The following IL1RAPL1 variants were observed in gnomAD, a reference collection of about 807,000 sequenced individuals.
IL1RAPL1 encodes the protein interleukin-1 receptor accessory protein-like 1.
IL1RAPL1 carries 3 observed loss-of-function variants against 48.4 expected under a neutral mutation model. The ratio of observed to expected loss-of-function variants is 0.06; its 90% CI spans 0.03 to 0.16. The LOEUF (loss-of-function observed/expected upper bound fraction) is 0.16, where lower values mean the gene tolerates loss of function less well. Ranked by LOEUF, IL1RAPL1 falls within the 10% of genes least tolerant of loss-of-function variation. The pLI is 1.00. For missense variants in IL1RAPL1, 349 were observed against 530.6 expected, an observed-to-expected ratio of 0.66 and a Z score of 3.36; for synonymous variants, 185 against 187.7, an observed-to-expected ratio of 0.99 and a Z score of 0.12.
At chrX:29,917,847 G>A (rs1932810800) in intron 7 of IL1RAPL1, among the ~76,000 whole-genome samples, 1 of 108,856 alleles carries the variant, frequency 9.2e-6, no homozygotes, top group Non-Finnish European at 1.9e-5. Flanking sequence ...GTGCGGCTGG[G>A]GGTGGTGGCT....
At chrX:29,023,416 G>A (rs1316386509) in intron 2 of IL1RAPL1, among the ~76,000 whole-genome samples, 1 of 112,414 alleles carries the variant, frequency 8.9e-6, no homozygotes, top group African/African-American at 3.2e-5. Flanking sequence ...CAGTAGTTAA[G>A]CTGAGCCAGC....
intron 3 of IL1RAPL1, among the ~76,000 whole-genome samples, chrX:29,374,603 A>G (rs974879457): frequency 9.1e-6 from 1 of 109,604 alleles, no homozygotes; most frequent in African/African-American, 3.3e-5. Context: ...GATGCCGTAC[A>G]AAGATTGTAT....
chrX:29,782,092 GTCTGTCTGTCTA>G (rs1426279271), intron 6 of IL1RAPL1, among the ~76,000 whole-genome samples: 18 of 74,258 alleles, frequency 2.4e-4, no homozygotes, highest in African/African-American at 7.7e-4. Context: ...CTGTCTGTCT[GTCTGTCTGTCTA>G]TCTATCTATC....
chrX:29,850,643 C>T (rs1385482503), intron 6 of IL1RAPL1, among the ~76,000 whole-genome samples: 1 of 112,374 alleles, frequency 8.9e-6, no homozygotes, highest in Non-Finnish European at 1.9e-5. Context: ...CATTGCCTTC[C>T]AGAAGGAATT....
At chrX:29,310,932 G>A (rs1250789436) in intron 3 of IL1RAPL1, among the ~76,000 whole-genome samples, 1 of 111,512 alleles carries the variant, frequency 9.0e-6, no homozygotes, top group African/African-American at 3.3e-5. Flanking sequence ...TTGTTTCATT[G>A]TCTGAGAAAA....
At chrX:29,643,883 A>AT (rs147228529) in intron 5 of IL1RAPL1, among the ~76,000 whole-genome samples, 1 of 111,841 alleles carries the variant, frequency 8.9e-6, no homozygotes, top group African/African-American at 3.3e-5. Context: ...TATGGAACAC[A>AT]TTTTTTTGTG....
chrX:29,632,235 G>A (rs776734630), intron 5 of IL1RAPL1, among the ~76,000 whole-genome samples: 5 of 108,504 alleles, frequency 4.6e-5, no homozygotes, highest in Admixed American at 2.0e-4. Flanking sequence ...TGCAAGCTGC[G>A]CCTCCTGGGT....
intron 2 of IL1RAPL1, among the ~76,000 whole-genome samples, chrX:28,805,118 A>G (rs759892329): frequency 9.2e-4 from 102 of 110,669 alleles, no homozygotes; most frequent in Non-Finnish European, 1.6e-3. Context: ...AGAGAGTGGG[A>G]AATGAGGCCA....
Position 29,332,095 on chromosome X carries a change from C to CTTTTTTTTTTTTTTTTT in IL1RAPL1, c.362+48888_362+48904dup, listed in dbSNP as rs72360733. Among the ~76,000 whole-genome samples the CTTTTTTTTTTTTTTTTT allele has an allele frequency of 1.8e-4, 5 of 27,890 alleles. 1 individual carries two copies. Among genetic ancestry groups the CTTTTTTTTTTTTTTTTT allele is most frequent in the Admixed American group, 7.5e-4 (1 of 1,339 alleles). 24.2% of individuals were successfully genotyped at this position (27,890 alleles called of 115,157 possible). ...ATTTTTGAAAATACTATTCTAAGGT[C>CTTTTTTTTTTTTTTTTT]TTTTTTTTTTTTTTTTTTTTTTTTT... On this transcript the variant is annotated intron_variant, in intron 3 of 10. Coordinates refer to ENST00000378993, the MANE Select transcript of IL1RAPL1 (RefSeq NM_014271.4).
At chrX:28,608,983 G>A (rs925496460) in intron 1 of IL1RAPL1, among the ~76,000 whole-genome samples, 3 of 111,657 alleles carry the variant, frequency 2.7e-5, no homozygotes, top group African/African-American at 9.8e-5. Flanking sequence ...TGTAATGGAC[G>A]GTATTAAATT....
chrX:28,591,611 G>A (rs1385845132), intron 1 of IL1RAPL1, among the ~76,000 whole-genome samples: 1 of 111,675 alleles, frequency 9.0e-6, no homozygotes, highest in East Asian at 2.8e-4. Context: ...AATTGTACCG[G>A]TTGGGCAGCT....
intron 1 of IL1RAPL1, among the ~76,000 whole-genome samples, chrX:28,749,205 A>G (rs1936011575): frequency 8.9e-6 from 1 of 112,113 alleles, no homozygotes; most frequent in Non-Finnish European, 1.9e-5. Context: ...GCTGTTGTGG[A>G]TAGTGCTACA....
intron 6 of IL1RAPL1, among the ~76,000 whole-genome samples, chrX:29,803,176 CAT>C (rs1193104149): frequency 2.0e-5 from 1 of 49,563 alleles, no homozygotes; most frequent in Non-Finnish European, 3.6e-5. Context: ...CATATGCATA[CAT>C]ATATGTATAT....
chrX:29,248,898 A>G (rs1223442465), intron 2 of IL1RAPL1, among the ~76,000 whole-genome samples: 1 of 112,233 alleles, frequency 8.9e-6, no homozygotes, highest in East Asian at 2.8e-4. Flanking sequence ...TGAATTGCAT[A>G]AGATTGGAAA....
intron 5 of IL1RAPL1, among the ~76,000 whole-genome samples, chrX:29,623,760 C>T (rs902426567): frequency 5.4e-5 from 6 of 111,986 alleles, no homozygotes; most frequent in African/African-American, 1.9e-4. Flanking sequence ...ATTGGCATTC[C>T]GCAAGCCTAA....
chrX:28,957,664 A>G (rs1417085194), intron 2 of IL1RAPL1, among the ~76,000 whole-genome samples: 1 of 109,320 alleles, frequency 9.1e-6, no homozygotes, highest in Non-Finnish European at 1.9e-5. Flanking sequence ...GTTTTTTTTT[A>G]ATGTTTTAAA....
At chrX:29,141,932 A>G (rs1929250700) in intron 2 of IL1RAPL1, among the ~76,000 whole-genome samples, 1 of 104,010 alleles carries the variant, frequency 9.6e-6, no homozygotes, top group Non-Finnish European at 1.9e-5. Context: ...ATTTCACAAG[A>G]CAAACAGTGA....
chrX:28,971,876 T>TTTTG lies in IL1RAPL1; in HGVS notation c.82+182452_82+182453insTTGT, dbSNP rs768970165. Among the ~76,000 whole-genome samples the TTTTG allele has an allele frequency of 1.8e-3, 150 of 84,481 alleles. 2 individuals carry two copies. Among genetic ancestry groups the TTTTG allele is most frequent in the African/African-American group, 6.7e-3 (146 of 21,911 alleles). The allele number at this position is 84,481 out of a possible 115,157, so 73.4% of individuals were successfully genotyped here. ...GACAGAAAACAAATAACTCTGAAAA[T>TTTTG]TGTGTGTGTGTGTGTGTGTGTGTGT... On this transcript the variant is annotated intron_variant, in intron 2 of 10. Transcript: ENST00000378993.
At chrX:28,610,351 G>A (rs764785716) in intron 1 of IL1RAPL1, among the ~76,000 whole-genome samples, 2 of 112,188 alleles carry the variant, frequency 1.8e-5, no homozygotes, top group South Asian at 7.4e-4. Flanking sequence ...AAGGCTGGGA[G>A]ACTGGCCAAT....
Sources: gnomAD v4.1 joint callset for allele counts (sites outside exome capture counted in the v4.1 genomes callset) on GRCh38, gnomAD v4.1.1 for gene constraint, MANE v1.5 for transcripts, NCBI Gene and HGNC (gene_info 2026-07-23, HGNC 2026-07-21) for gene names.